Variants in MYRIP observed in about 807,000 individuals in gnomAD.
The protein encoded by MYRIP is myosin VIIA and Rab interacting protein.
Under a neutral mutation model 98.0 loss-of-function variants are expected in MYRIP, and 49 were observed. That is an observed-to-expected ratio of 0.50 (90% CI 0.40 to 0.63). The LOEUF is 0.63. MYRIP is among the 30% of genes least tolerant of loss of function. The pLI is 0.00. For synonymous variants in MYRIP, 404 were observed against 409.5 expected (o/e 0.99, Z 0.16); for missense variants, 1,004 against 1,058.2 (o/e 0.95, Z 0.71).
intron 8 of MYRIP, 143 bp downstream of exon 8, chr3:40,170,236 G>A: frequency 9.5e-7 from 1 of 1,056,050 alleles, no homozygotes; most frequent in Non-Finnish European, 1.3e-6. Flanking sequence ...GAGAAAGTGA[G>A]TGTGAGTCGG....
At chr3:40,030,478 A>G (rs1366706163) in intron 2 of MYRIP, among the ~76,000 whole-genome samples, 1 of 152,148 alleles carries the variant, frequency 6.6e-6, no homozygotes, top group Non-Finnish European at 1.5e-5. Flanking sequence ...TGACCTACCA[A>G]TTCTACTCCT....
Position 40,077,094 on chromosome 3 carries a change from C to T in MYRIP, c.332+32823C>T, listed in dbSNP as rs953813432. 3.9e-5 allele frequency among the ~76,000 whole-genome samples: 6 copies of T among 152,096 alleles called. No homozygotes were observed. In the East Asian group the frequency reaches 9.7e-4, roughly 24 times the overall value. On this transcript the variant is annotated intron_variant, in intron 3 of 16. Transcript: ENST00000302541. ...TCTGGAGTTTGTTCCTTCTGATGTTCGGGTGTGTTCGGAGTTTCTTTCCTT... is the reference window on the plus strand; with the variant it reads ...TCTGGAGTTTGTTCCTTCTGATGTTTGGGTGTGTTCGGAGTTTCTTTCCTT...
intron 1 of MYRIP, among the ~76,000 whole-genome samples, chr3:39,895,996 A>G (rs1487008941): frequency 6.6e-6 from 1 of 152,184 alleles, no homozygotes; most frequent in Non-Finnish European, 1.5e-5. Flanking sequence ...TCCAAGTCAG[A>G]TAGATTGGTC....
chr3:40,044,365 T>A, intron 3 of MYRIP, 94 bp downstream of exon 3: 1 of 1,243,166 alleles, frequency 8.0e-7, no homozygotes, highest in Non-Finnish European at 1.2e-6. Context: ...CTATGATTGG[T>A]AGATCAACAC....
intron 16 of MYRIP, among the ~76,000 whole-genome samples, chr3:40,255,152 A>G (rs1339940555): frequency 1.3e-5 from 2 of 152,226 alleles, no homozygotes; most frequent in African/African-American, 2.4e-5. Flanking sequence ...ACAGAGCGGA[A>G]AAAGATGCAT....
intron 1 of MYRIP, among the ~76,000 whole-genome samples, chr3:39,840,064 A>C (rs944918964): frequency 6.6e-5 from 10 of 152,196 alleles, no homozygotes; most frequent in Non-Finnish European, 1.5e-4. Context: ...TAATATTGAC[A>C]GTGGGGTGTT....
intron 10 of MYRIP, 111 bp downstream of exon 10, chr3:40,190,574 C>A: frequency 6.9e-7 from 1 of 1,455,852 alleles, no homozygotes; most frequent in Non-Finnish European, 9.1e-7. Context: ...GACCCAGATT[C>A]TCATCTTGGT....
chr3:40,250,455 C>A lies in MYRIP; in HGVS notation c.2384C>A (p.Thr795Lys). The A allele has an allele frequency of 6.2e-7, 1 of 1,614,168 alleles. No individual in the cohort carries two copies. The highest frequency in any genetic ancestry group is 8.5e-7 in the Non-Finnish European group (1 of 1,180,022). Residue 795 changes from threonine (T) to lysine (K), a missense_variant, in exon 15 of 17, where the codon ACA becomes AAA. Physicochemically the swap from Thr to Lys is moderately conservative, Grantham distance 78. Transcript: ENST00000302541. ...KQRTQVQTID[T>K]SRQQRRKLPA... ...TGTTTGTAGGTACAAACCATAGATACATCAAGGCAGCAAAGGAGGAAACTG... is the reference window on the plus strand; with the variant it reads ...TGTTTGTAGGTACAAACCATAGATAAATCAAGGCAGCAAAGGAGGAAACTG...
intron 8 of MYRIP, among the ~76,000 whole-genome samples, chr3:40,171,377 G>T (rs947609800): frequency 2.6e-5 from 4 of 152,190 alleles, no homozygotes; most frequent in Admixed American, 6.5e-5. Flanking sequence ...GAGCAGGGGA[G>T]CAAAAGCCCT....
chr3:40,163,501 C>T (rs1044785908), intron 5 of MYRIP, among the ~76,000 whole-genome samples: 3 of 152,182 alleles, frequency 2.0e-5, no homozygotes, highest in South Asian at 4.1e-4. Context: ...AAAGAAGATC[C>T]GCCCTCATCA....
At chr3:40,031,470 T>A (rs1461722752) in intron 2 of MYRIP, among the ~76,000 whole-genome samples, 1 of 152,124 alleles carries the variant, frequency 6.6e-6, no homozygotes, top group African/African-American at 2.4e-5. Flanking sequence ...AATTTCTGAA[T>A]GGGGCAGGAG....
Position 39,873,092 on chromosome 3 carries a change from T to C in MYRIP, c.-30-27695T>C, listed in dbSNP as rs188324097. ...TTTGCATTTCTCTGATGGCCAGTGA[T>C]GGTGAGCATTTTTTCATATGTTTTT... On this transcript the variant is annotated intron_variant, in intron 1 of 16. Transcript: ENST00000302541. Among the ~76,000 whole-genome samples the C allele has an allele frequency of 9.2e-3, 1,404 of 152,354 alleles. 26 individuals carry two copies. The highest frequency in any genetic ancestry group is 0.032 in the African/African-American group (1,327 of 41,576).
intron 3 of MYRIP, among the ~76,000 whole-genome samples, chr3:40,129,939 T>C (rs1295947391): frequency 1.3e-5 from 2 of 152,232 alleles, no homozygotes; most frequent in Admixed American, 6.5e-5. Flanking sequence ...AATTTACTTG[T>C]GTCATAGAAA....
chr3:39,956,343 G>A (rs1017276003), intron 2 of MYRIP, among the ~76,000 whole-genome samples: 3 of 152,178 alleles, frequency 2.0e-5, no homozygotes, highest in Non-Finnish European at 4.4e-5. Flanking sequence ...AGACCACAGT[G>A]CAATAAAACT....
At chr3:40,114,146 G>C (rs921940138) in intron 3 of MYRIP, among the ~76,000 whole-genome samples, 9 of 152,154 alleles carry the variant, frequency 5.9e-5, no homozygotes, top group African/African-American at 2.2e-4. Flanking sequence ...CAACATTTCA[G>C]TGAACAACAT....
chr3:40,242,112 C>T (rs1953035406), intron 12 of MYRIP: 1 of 152,198 alleles, frequency 6.6e-6, no homozygotes. Flanking sequence ...AGCTGTGAGA[C>T]CTCAGAAAGT....
At chr3:39,893,438 G>T (rs767971920) in intron 1 of MYRIP, among the ~76,000 whole-genome samples, 9 of 152,022 alleles carry the variant, frequency 5.9e-5, no homozygotes, top group Non-Finnish European at 1.2e-4. Context: ...ACCACCTCTT[G>T]TTTTATGGTC....
Position 40,212,208 on chromosome 3 carries a change from G to GTA in MYRIP, c.1905+2116_1905+2117insAT, listed in dbSNP as rs1182546794. Among the ~76,000 whole-genome samples the GTA allele has an allele frequency of 1.2e-3, 44 of 37,664 alleles. 11 individuals carry two copies. Among genetic ancestry groups the GTA allele is most frequent in the Non-Finnish European group, 1.8e-3 (23 of 12,594 alleles). The allele number at this position is 37,664 out of a possible 152,430, so 24.7% of individuals were successfully genotyped here. On this transcript the variant is annotated intron_variant, in intron 11 of 16. Transcript: ENST00000302541. ...TATGTGTATATACATATATATACGT[G>GTA]TGTGTATATATATATATACACACAC... is the stretch of plus-strand genomic sequence containing the variant.
intron 4 of MYRIP, among the ~76,000 whole-genome samples, chr3:40,162,235 A>T: frequency 6.6e-6 from 1 of 152,064 alleles, no homozygotes; most frequent in East Asian, 1.9e-4. Context: ...TGAATTTCCC[A>T]CATGAGAGTC....
Sources: gnomAD v4.1 joint callset for allele counts (sites outside exome capture counted in the v4.1 genomes callset) on GRCh38, gnomAD v4.1.1 for gene constraint, MANE v1.5 for transcripts, NCBI Gene and HGNC (gene_info 2026-07-23, HGNC 2026-07-21) for gene names.